The following SPAG16 variants were observed in gnomAD, a reference collection of about 807,000 sequenced individuals.
The protein encoded by SPAG16 is sperm-associated antigen 16 protein.
SPAG16 carries 86 observed loss-of-function variants against 80.4 expected under a neutral mutation model. The observed-to-expected ratio is 1.07, with a 90% confidence interval of 0.90 to 1.28. The LOEUF (loss-of-function observed/expected upper bound fraction) is 1.28, where lower values mean the gene tolerates loss of function less well. SPAG16 is among the 50% of genes most tolerant of loss of function. The pLI is 0.00. For synonymous variants in SPAG16, 294 were observed against 265.9 expected (o/e 1.11, Z -1.03); for missense variants, 870 against 765.3 (o/e 1.14, Z -1.61).
intron 15 of SPAG16, among the ~76,000 whole-genome samples, chr2:214,246,427 A>T (rs1324806432): frequency 2.0e-5 from 3 of 152,134 alleles, no homozygotes; most frequent in Non-Finnish European, 4.4e-5. Context: ...TGTTACTAAT[A>T]GAATTGACAG....
intron 10 of SPAG16, among the ~76,000 whole-genome samples, chr2:213,613,811 G>A (rs764962988): frequency 2.6e-5 from 4 of 152,120 alleles, no homozygotes; most frequent in African/African-American, 9.7e-5. Context: ...TGAATGCATG[G>A]ATGGTTCTTC....
chr2:213,506,704 C>T (rs76179584), intron 10 of SPAG16, among the ~76,000 whole-genome samples: 5,828 of 152,026 alleles, frequency 0.038, 366 homozygotes, highest in African/African-American at 0.13. Context: ...CCTTATGTTG[C>T]GAGTGACTGA....
chr2:213,483,104 G>A (rs1327069424), intron 9 of SPAG16, among the ~76,000 whole-genome samples: 1 of 152,040 alleles, frequency 6.6e-6, no homozygotes, highest in African/African-American at 2.4e-5. Context: ...ACTTTCCTAT[G>A]TCCGTATTCT....
intron 2 of SPAG16, chr2:213,297,018 A>G (rs931572455): frequency 1.6e-5 from 20 of 1,277,950 alleles, no homozygotes; most frequent in African/African-American, 3.1e-5. Flanking sequence ...ATTTTCTATT[A>G]TAGATAAAAG....
intron 13 of SPAG16, among the ~76,000 whole-genome samples, chr2:214,051,155 C>T (rs752300182): frequency 9.9e-5 from 15 of 152,208 alleles, no homozygotes; most frequent in Non-Finnish European, 1.8e-4. Flanking sequence ...CTGTGGCCTA[C>T]ACCCAGAAGT....
intron 5 of SPAG16, among the ~76,000 whole-genome samples, chr2:213,322,104 G>A (rs985403765): frequency 2.7e-5 from 4 of 148,656 alleles, no homozygotes; most frequent in African/African-American, 9.9e-5. Flanking sequence ...ATAAAAAAAA[G>A]TAAAAAAAAA....
chr2:214,196,651 A>G (rs188807704), intron 15 of SPAG16, among the ~76,000 whole-genome samples: 1 of 152,234 alleles, frequency 6.6e-6, no homozygotes, highest in East Asian at 1.9e-4. Context: ...AAAGAGTGAA[A>G]CCAGTCTATA....
chr2:214,144,598 A>T (rs2125549923), intron 14 of SPAG16, among the ~76,000 whole-genome samples: 1 of 152,284 alleles, frequency 6.6e-6, no homozygotes, highest in African/African-American at 2.4e-5. Flanking sequence ...ATGTATACAT[A>T]GTTGATGTAA....
chr2:214,158,720 C>T (rs1419780876), intron 15 of SPAG16, among the ~76,000 whole-genome samples: 1 of 151,864 alleles, frequency 6.6e-6, no homozygotes, highest in Admixed American at 6.6e-5. Flanking sequence ...CGCTCTGATA[C>T]AGTTACATAA....
chr2:213,538,521 T>TGATTC (rs1170018170), intron 10 of SPAG16, among the ~76,000 whole-genome samples: 1 of 152,194 alleles, frequency 6.6e-6, no homozygotes, highest in Non-Finnish European at 1.5e-5. Flanking sequence ...TAAAATTCAC[T>TGATTC]GATTCAGTTA....
intron 15 of SPAG16, among the ~76,000 whole-genome samples, chr2:214,250,901 G>C (rs1690244573): frequency 6.7e-6 from 1 of 149,972 alleles, no homozygotes; most frequent in South Asian, 2.1e-4. Context: ...TATTTTGATG[G>C]TTTGTTCCAC....
At chr2:214,209,365 C>T (rs1329342050) in intron 15 of SPAG16, among the ~76,000 whole-genome samples, 1 of 152,154 alleles carries the variant, frequency 6.6e-6, no homozygotes, top group Non-Finnish European at 1.5e-5. Context: ...CCTAGCATCA[C>T]TGTCTCCTGA....
At position 213,599,977 on chromosome 2, in the gene SPAG16, C is replaced by T. The variant is rs59130850; in HGVS notation, c.1070+109887C>T. ...CTGGGATTACAGGCATGAGCCGCTG[C>T]GCCTGGCCTATTAGTAGTTGTGTTT... On this transcript the variant is annotated intron_variant, in intron 10 of 15. Transcript: ENST00000331683. Among the ~76,000 whole-genome samples the T allele has an allele frequency of 2.7e-3, 404 of 152,252 alleles. 4 individuals are homozygous for T. Among genetic ancestry groups the T allele is most frequent in the African/African-American group, 8.8e-3 (367 of 41,552 alleles).
intron 15 of SPAG16, among the ~76,000 whole-genome samples, chr2:214,344,149 A>AAGG (rs1402896550): frequency 1.3e-5 from 2 of 152,176 alleles, no homozygotes; most frequent in Admixed American, 1.3e-4. Flanking sequence ...GTATTGGAAA[A>AAGG]AGGAGGTATG....
At chr2:214,250,287 T>C (rs1350176907) in intron 15 of SPAG16, 1 of 152,046 alleles carries the variant, frequency 6.6e-6, no homozygotes, top group Admixed American at 6.6e-5. Context: ...TTCTGAAAAA[T>C]AAATCTCAAA....
intron 10 of SPAG16, among the ~76,000 whole-genome samples, chr2:213,827,012 A>G (rs943614598): frequency 6.6e-6 from 1 of 151,596 alleles, no homozygotes; most frequent in Non-Finnish European, 1.5e-5. Context: ...TATGAAATCT[A>G]TTAGTCTGGT....
At chr2:213,829,276 A>T (rs1481375750) in intron 10 of SPAG16, among the ~76,000 whole-genome samples, 5 of 152,032 alleles carry the variant, frequency 3.3e-5, no homozygotes, top group African/African-American at 9.7e-5. Flanking sequence ...GTCATCCACC[A>T]CCAGCTCAGG....
At chr2:214,265,092 A>C (rs990536225) in intron 15 of SPAG16, among the ~76,000 whole-genome samples, 2 of 152,158 alleles carry the variant, frequency 1.3e-5, no homozygotes, top group Non-Finnish European at 2.9e-5. Context: ...CATAAACATC[A>C]AGTTTTCAAC....
chr2:214,037,748 G>A (rs780628542), intron 13 of SPAG16, among the ~76,000 whole-genome samples: 1 of 151,958 alleles, frequency 6.6e-6, no homozygotes, highest in Non-Finnish European at 1.5e-5. Flanking sequence ...GTGAATTCAG[G>A]CTTTTAACAT....
Sources: allele counts gnomAD v4.1 joint callset (sites outside exome capture counted in the v4.1 genomes callset), GRCh38; gene constraint gnomAD v4.1.1; transcripts MANE v1.5; gene names NCBI Gene and HGNC (gene_info 2026-07-23, HGNC 2026-07-21).